HOOK3: variants seen among roughly 807,000 people sequenced by gnomAD.
The protein encoded by HOOK3 is hook microtubule tethering protein 3.
HOOK3 carries 24 observed loss-of-function variants against 116.3 expected under a neutral mutation model. The ratio of observed to expected loss-of-function variants is 0.21; its 90% CI spans 0.15 to 0.29. HOOK3 has a LOEUF of 0.29. HOOK3 is among the 10% of genes least tolerant of loss of function. The pLI, the probability that HOOK3 is intolerant of heterozygous loss-of-function variation, is 1.00. For synonymous variants in HOOK3, 275 were observed against 283.0 expected (o/e 0.97, Z 0.28); for missense variants, 632 against 830.2 (o/e 0.76, Z 2.93).
chr8:43,017,050 G>A (rs1563315474), intron 21 of HOOK3, among the ~76,000 whole-genome samples: 1 of 147,416 alleles, frequency 6.8e-6, no homozygotes, highest in Non-Finnish European at 1.5e-5. Context: ...AGCCATGACT[G>A]TTTTCCCTAG....
chr8:42,923,007 C>T (rs1227816093), intron 2 of HOOK3, among the ~76,000 whole-genome samples: 1 of 152,062 alleles, frequency 6.6e-6, no homozygotes, highest in Non-Finnish European at 1.5e-5. Context: ...AAAACTCTTA[C>T]AATTCAATAA....
At chr8:42,979,470 G>A (rs1808892784) in intron 13 of HOOK3, among the ~76,000 whole-genome samples, 1 of 152,158 alleles carries the variant, frequency 6.6e-6, no homozygotes, top group Non-Finnish European at 1.5e-5. Flanking sequence ...AGCTGGGGAT[G>A]GTGGAGGCTG....
intron 3 of HOOK3, among the ~76,000 whole-genome samples, chr8:42,927,245 G>GTT (rs1283654855): frequency 9.2e-5 from 11 of 119,310 alleles, no homozygotes; most frequent in African/African-American, 1.1e-4. Context: ...AATGGCACTG[G>GTT]TTTTTTTTTT....
intron 4 of HOOK3, among the ~76,000 whole-genome samples, chr8:42,942,135 G>C (rs968882609): frequency 6.6e-6 from 1 of 152,162 alleles, no homozygotes; most frequent in African/African-American, 2.4e-5. Flanking sequence ...GCACACGCCT[G>C]TAATCCCAGC....
intron 4 of HOOK3, among the ~76,000 whole-genome samples, chr8:42,935,565 G>A (rs1379871915): frequency 6.6e-6 from 1 of 152,118 alleles, no homozygotes; most frequent in Non-Finnish European, 1.5e-5. Context: ...GTTAATTTTT[G>A]TATAAGGTGT....
intron 2 of HOOK3, among the ~76,000 whole-genome samples, chr8:42,918,573 C>T (rs1370209592): frequency 2.0e-5 from 3 of 152,066 alleles, no homozygotes; most frequent in Non-Finnish European, 2.9e-5. Context: ...AGGGCCCTGC[C>T]GCCTTCCGCA....
chr8:42,982,748 A>C (rs773824579), intron 14 of HOOK3, 52 bp downstream of exon 14: 2 of 1,147,516 alleles, frequency 1.7e-6, no homozygotes, highest in South Asian at 2.5e-5. Context: ...CTTGGAGAAA[A>C]CGTACTTCTC....
At chr8:43,003,049 T>A (rs73675448) in intron 17 of HOOK3, among the ~76,000 whole-genome samples, 3,637 of 152,322 alleles carry the variant, frequency 0.024, 148 homozygotes, top group African/African-American at 0.082. Flanking sequence ...TTCATAATTT[T>A]TCTTGCACCC....
chr8:42,919,116 T>G (rs926367229), intron 2 of HOOK3, among the ~76,000 whole-genome samples: 7 of 150,864 alleles, frequency 4.6e-5, no homozygotes, highest in African/African-American at 1.7e-4. Context: ...ACAGGGCGGC[T>G]GCCGGGTGGA....
chr8:42,982,928 G>A (rs1038637559), intron 14 of HOOK3, among the ~76,000 whole-genome samples: 2 of 152,192 alleles, frequency 1.3e-5, no homozygotes, highest in South Asian at 4.1e-4. Flanking sequence ...AAAGCCAATT[G>A]TTATGTCCAA....
intron 17 of HOOK3, among the ~76,000 whole-genome samples, chr8:43,004,876 C>T (rs1258436654): frequency 6.6e-6 from 1 of 151,980 alleles, no homozygotes; most frequent in Non-Finnish European, 1.5e-5. Context: ...CTCAGTTCTA[C>T]TATATATATC....
At chr8:42,923,550 G>A (rs1350323181) in intron 2 of HOOK3, among the ~76,000 whole-genome samples, 5 of 152,202 alleles carry the variant, frequency 3.3e-5, no homozygotes, top group Non-Finnish European at 7.3e-5. Context: ...CTAATTGAAA[G>A]AAGCCAGACA....
In HOOK3 at chr8:43,027,667, T is replaced by C. The variant is rs1809956381; in HGVS notation, c.*9169T>C. The C allele has an allele frequency of 4.8e-6, 1 of 208,056 alleles. No individual in the cohort carries two copies. Among genetic ancestry groups the C allele is most frequent in the Non-Finnish European group, 9.8e-6 (1 of 101,592 alleles). 12.9% of individuals were successfully genotyped at this position (208,056 alleles called of 1,614,324 possible). A position where few individuals can be genotyped will look rare whatever the true frequency, so the allele number is the denominator to read the frequency against. ...CTGAATATCTTCCACTAATTAATTG[T>C]TGAATGATTAAGTCTCTAAGTATCT... On this transcript the variant is annotated 3_prime_UTR_variant, in exon 22 of 22. Transcript: ENST00000307602.
intron 4 of HOOK3, among the ~76,000 whole-genome samples, chr8:42,942,289 C>T (rs930497722): frequency 2.6e-5 from 4 of 152,120 alleles, no homozygotes; most frequent in African/African-American, 4.8e-5. Flanking sequence ...ATACCAGTCC[C>T]GCTCCTCCAA....
At chr8:42,930,027 A>G in intron 3 of HOOK3, 95 bp from the exon 4 acceptor site, 1 of 1,020,310 alleles carries the variant, frequency 9.8e-7, no homozygotes, top group Non-Finnish European at 1.4e-6. Flanking sequence ...TTTATGATTA[A>G]CTGCAGTGAT....
At chr8:42,979,364 A>G (rs902855070) in intron 13 of HOOK3, among the ~76,000 whole-genome samples, 1 of 152,178 alleles carries the variant, frequency 6.6e-6, no homozygotes, top group African/African-American at 2.4e-5. Context: ...GTGTCACTCC[A>G]TTAAGGAACT....
At chr8:42,900,516 G>T (rs900422109) in intron 1 of HOOK3, among the ~76,000 whole-genome samples, 2 of 152,120 alleles carry the variant, frequency 1.3e-5, no homozygotes, top group African/African-American at 2.4e-5. Context: ...ATGCATACTA[G>T]TATATAGAAT....
chr8:42,898,650 G>A (rs1807114292), intron 1 of HOOK3, among the ~76,000 whole-genome samples: 1 of 152,194 alleles, frequency 6.6e-6, no homozygotes, highest in Non-Finnish European at 1.5e-5. Context: ...GAAGCAGCCA[G>A]AAGGCAAAGA....
At chr8:42,918,293 G>A (rs969823781) in intron 2 of HOOK3, among the ~76,000 whole-genome samples, 3 of 151,904 alleles carry the variant, frequency 2.0e-5, no homozygotes, top group Non-Finnish European at 2.9e-5. Flanking sequence ...AGCTGAGATC[G>A]CACCATTGCA....
Sources: gnomAD v4.1 joint callset for allele counts (sites outside exome capture counted in the v4.1 genomes callset) on GRCh38, gnomAD v4.1.1 for gene constraint, MANE v1.5 for transcripts, NCBI Gene and HGNC (gene_info 2026-07-23, HGNC 2026-07-21) for gene names.